The following PDE8B variants were observed in gnomAD, a reference collection of about 807,000 sequenced individuals.
The protein encoded by PDE8B is phosphodiesterase 8B.
A neutral mutation model predicts 101.3 loss-of-function variants in PDE8B; 26 were observed. That is an observed-to-expected ratio of 0.26 (90% CI 0.19 to 0.36). PDE8B has a LOEUF of 0.36. Ranked by LOEUF, PDE8B falls within the 10% of genes least tolerant of loss-of-function variation. PDE8B has a pLI of 1.00. For synonymous variants in PDE8B, 424 were observed against 429.3 expected, an observed-to-expected ratio of 0.99 and a Z score of 0.15; for missense variants, 810 against 1,163.1, an observed-to-expected ratio of 0.70 and a Z score of 4.42.
intron 1 of PDE8B, among the ~76,000 whole-genome samples, chr5:77,234,025 AG>A (rs1400326362): frequency 3.9e-5 from 6 of 152,112 alleles, no homozygotes; most frequent in Non-Finnish European, 8.8e-5. Context: ...GGTAACTTTA[AG>A]GGGCTGAGAG....
intron 1 of PDE8B, among the ~76,000 whole-genome samples, chr5:77,248,429 C>G (rs1489185122): frequency 6.2e-5 from 9 of 145,604 alleles, no homozygotes; most frequent in Middle Eastern, 3.4e-3. Context: ...AAGAAACCCC[C>G]AATTAAATTA....
At chr5:77,202,778 C>A in the PDE8B span, among the ~76,000 whole-genome samples, 21 of 152,102 alleles carry the variant, frequency 1.4e-4, no homozygotes, top group East Asian at 4.1e-3. Flanking sequence ...TGCCACCATG[C>A]CTGGCTAATT....
chr5:77,266,677 G>A (rs1237157435), intron 1 of PDE8B, among the ~76,000 whole-genome samples: 2 of 152,126 alleles, frequency 1.3e-5, no homozygotes, highest in Non-Finnish European at 2.9e-5. Flanking sequence ...ATCTAACCCT[G>A]TATTTCTCCT....
the PDE8B span, chr5:77,144,888 T>C: frequency 6.6e-5 from 10 of 152,012 alleles, no homozygotes; most frequent in Non-Finnish European, 1.3e-4. Context: ...GAGAGGCCTC[T>C]GTGTGTAGAG....
At chr5:77,327,880 C>A (rs1340945113) in intron 3 of PDE8B, among the ~76,000 whole-genome samples, 1 of 152,166 alleles carries the variant, frequency 6.6e-6, no homozygotes, top group African/African-American at 2.4e-5. Context: ...TCCCCCCACA[C>A]AGTGTGAGGG....
At chr5:77,400,422 T>C (rs1249932399) in intron 11 of PDE8B, 132 bp downstream of exon 11, 2 of 714,418 alleles carry the variant, frequency 2.8e-6, no homozygotes, top group South Asian at 3.1e-5. Context: ...CACGTGCTCA[T>C]ATCACAAGGT....
At position 77,365,247 on chromosome 5, in the gene PDE8B, GT is replaced by G. The variant is rs539362666; in HGVS notation, c.1167+11842del. ...GAGGCTCTGATAGATTGGGTCTGGG[GT>G]GCAGTCTGGGCATGAGGATTTCTGA... On this transcript the variant is annotated intron_variant, in intron 10 of 21. Coordinates refer to ENST00000264917, the MANE Select transcript of PDE8B (RefSeq NM_003719.5). Among the ~76,000 whole-genome samples, 821 of 152,294 alleles carry G rather than the reference GT, an allele frequency of 5.4e-3. 6 individuals carry two copies. The highest frequency in any genetic ancestry group is 0.018 in the African/African-American group (768 of 41,558).
At chr5:77,196,179 C>G in the PDE8B span, among the ~76,000 whole-genome samples, 3 of 152,092 alleles carry the variant, frequency 2.0e-5, no homozygotes, top group African/African-American at 7.2e-5. Flanking sequence ...ATACTTGACC[C>G]ATACCGAATA....
At chr5:77,417,788 A>G (rs768453318) in intron 17 of PDE8B, among the ~76,000 whole-genome samples, 1 of 152,060 alleles carries the variant, frequency 6.6e-6, no homozygotes, top group African/African-American at 2.4e-5. Context: ...TTACTCTTCT[A>G]CAGCTCTAGT....
intron 10 of PDE8B, among the ~76,000 whole-genome samples, chr5:77,383,391 G>C (rs867583014): frequency 6.6e-6 from 1 of 152,158 alleles, no homozygotes; most frequent in Non-Finnish European, 1.5e-5. Context: ...TAGGTTGCCT[G>C]TTCACTCTGA....
At chr5:77,260,765 T>A (rs1760417237) in intron 1 of PDE8B, among the ~76,000 whole-genome samples, 2 of 151,838 alleles carry the variant, frequency 1.3e-5, no homozygotes, top group South Asian at 4.2e-4. Flanking sequence ...TTTTTGTATT[T>A]TTATTAATAG....
chr5:77,246,461 A>G (rs916118946), intron 1 of PDE8B, among the ~76,000 whole-genome samples: 2 of 152,212 alleles, frequency 1.3e-5, no homozygotes, highest in South Asian at 2.1e-4. Context: ...CTCACTACCT[A>G]TTTTTGTATG....
chr5:77,154,898 A>G, the PDE8B span, among the ~76,000 whole-genome samples: 1 of 152,220 alleles, frequency 6.6e-6, no homozygotes, highest in East Asian at 1.9e-4. Context: ...TTAAGTTGTC[A>G]AAGAATCATG....
chr5:77,220,946 C>G (rs1013333096), intron 1 of PDE8B, among the ~76,000 whole-genome samples: 1 of 152,182 alleles, frequency 6.6e-6, no homozygotes, highest in Non-Finnish European at 1.5e-5. Context: ...CAGCTAGGGA[C>G]TCAGAGCTAC....
chr5:77,424,825 TGTTTTTTG>T (rs1797614006), intron 20 of PDE8B, among the ~76,000 whole-genome samples: 1 of 110,232 alleles, frequency 9.1e-6, no homozygotes, highest in Non-Finnish European at 2.1e-5. Context: ...TTTTGTTTTT[TGTTTTTTG>T]TTTTTAATGT....
the PDE8B span, among the ~76,000 whole-genome samples, chr5:77,156,095 A>G: frequency 6.6e-6 from 1 of 152,184 alleles, no homozygotes; most frequent in Non-Finnish European, 1.5e-5. Flanking sequence ...ATTTTGCTTA[A>G]GCTGATTTTA....
the PDE8B span, among the ~76,000 whole-genome samples, chr5:77,121,750 C>A: frequency 1.3e-5 from 2 of 152,176 alleles, no homozygotes; most frequent in Admixed American, 1.3e-4. Flanking sequence ...TCGTGATCCA[C>A]CCGCCTCGGC....
chr5:77,323,848 A>G (rs955662921), intron 2 of PDE8B, among the ~76,000 whole-genome samples: 3 of 152,076 alleles, frequency 2.0e-5, no homozygotes, highest in African/African-American at 7.2e-5. Context: ...AATCCCAGCT[A>G]CTCGGGAGGC....
chr5:77,425,483 G>A (rs535627384), intron 20 of PDE8B, among the ~76,000 whole-genome samples: 74 of 152,252 alleles, frequency 4.9e-4, no homozygotes, highest in Non-Finnish European at 8.2e-4. Flanking sequence ...AACCTGGGAG[G>A]CGGAGGTTGC....
Sources: gnomAD v4.1 joint callset for allele counts (sites outside exome capture counted in the v4.1 genomes callset) on GRCh38, gnomAD v4.1.1 for gene constraint, MANE v1.5 for transcripts, NCBI Gene and HGNC (gene_info 2026-07-23, HGNC 2026-07-21) for gene names.